The following MYO1E variants were observed in gnomAD, a reference collection of about 807,000 sequenced individuals.
MYO1E encodes myosin IE, also known as unconventional myosin-Ie.
MYO1E carries 68 observed loss-of-function variants against 151.1 expected under a neutral mutation model. The ratio of observed to expected loss-of-function variants is 0.45; its 90% confidence interval spans 0.37 to 0.55. The LOEUF (loss-of-function observed/expected upper bound fraction) is 0.55. Ranked by LOEUF, MYO1E falls within the 20% of genes least tolerant of loss-of-function variation. The pLI, the probability that MYO1E is intolerant of heterozygous loss-of-function variation, is 0.00. For missense variants in MYO1E, 1,363 were observed against 1,389.3 expected (o/e 0.98, Z 0.30); for synonymous variants, 601 against 501.7 (o/e 1.20, Z -2.64).
At chr15:59,162,923 A>G (rs2079545997) in intron 23 of MYO1E, among the ~76,000 whole-genome samples, 1 of 152,168 alleles carries the variant, frequency 6.6e-6, no homozygotes, top group Admixed American at 6.5e-5. Flanking sequence ...TGTCTAAATG[A>G]TAAAATACAC....
At chr15:59,213,788 C>T (rs1264557494) in intron 12 of MYO1E, among the ~76,000 whole-genome samples, 2 of 152,140 alleles carry the variant, frequency 1.3e-5, no homozygotes, top group East Asian at 3.8e-4. Context: ...GAAACTATAC[C>T]AAGGCATGTT....
At chr15:59,306,636 A>G (rs1417862038) in intron 1 of MYO1E, among the ~76,000 whole-genome samples, 1 of 152,218 alleles carries the variant, frequency 6.6e-6, no homozygotes, top group Non-Finnish European at 1.5e-5. Flanking sequence ...AATATATAAA[A>G]TGCCTTTATT....
rs774416186 is a variant in MYO1E, at chr15:59,205,503, G to T, written c.1531-18C>A. 6 of 1,524,558 alleles carry T rather than the reference G, an allele frequency of 3.9e-6. No homozygotes were observed. The African/African-American group carries it at 4.8e-5, about 12-fold the overall frequency. The allele number at this position is 1,524,558 out of a possible 1,614,324, so 94.4% of individuals were successfully genotyped here. A position where few individuals can be genotyped will look rare whatever the true frequency, so the allele number is the denominator to read the frequency against. ...TAGGATACCTGGCCAAGAATGGAAA[G>T]AAATCGAATTTCATTGAACAAAATG... On this transcript the variant is annotated intron_variant, in intron 14 of 27. Transcript: ENST00000288235.
intron 1 of MYO1E, among the ~76,000 whole-genome samples, chr15:59,282,092 C>A (rs2080356229): frequency 6.6e-6 from 1 of 152,192 alleles, no homozygotes; most frequent in African/African-American, 2.4e-5. Flanking sequence ...CCCTATTGGG[C>A]CTTTTCTTGT....
At chr15:59,167,990 T>TA (rs1162084913) in intron 22 of MYO1E, among the ~76,000 whole-genome samples, 3 of 152,152 alleles carry the variant, frequency 2.0e-5, no homozygotes, top group Admixed American at 2.0e-4. Flanking sequence ...AATTTTTATT[T>TA]AAATAAGGAT....
At chr15:59,227,865 C>T (rs1169391240) in intron 6 of MYO1E, among the ~76,000 whole-genome samples, 1 of 152,164 alleles carries the variant, frequency 6.6e-6, no homozygotes, top group Non-Finnish European at 1.5e-5. Flanking sequence ...CCAGTAGGTG[C>T]CTGTCTGCTC....
At chr15:59,205,752 C>A (rs1246439844) in intron 14 of MYO1E, among the ~76,000 whole-genome samples, 1 of 152,162 alleles carries the variant, frequency 6.6e-6, no homozygotes, top group Non-Finnish European at 1.5e-5. Context: ...CTGGATGGCC[C>A]AGCTGATCCG....
intron 26 of MYO1E, among the ~76,000 whole-genome samples, chr15:59,146,294 AT>A (rs1199100766): frequency 6.6e-6 from 1 of 152,114 alleles, no homozygotes; most frequent in African/African-American, 2.4e-5. Flanking sequence ...TAATTATTTC[AT>A]TGAGATAATG....
At chr15:59,302,966 T>C (rs1445114429) in intron 1 of MYO1E, among the ~76,000 whole-genome samples, 1 of 151,964 alleles carries the variant, frequency 6.6e-6, no homozygotes, top group Non-Finnish European at 1.5e-5. Flanking sequence ...ATCTCTAGAG[T>C]GGAGAAAGGA....
At chr15:59,258,533 G>C (rs12904844) in intron 3 of MYO1E, among the ~76,000 whole-genome samples, 70,161 of 152,062 alleles carry the variant, frequency 0.46, 19,562 homozygotes, top group Non-Finnish European at 0.64. Context: ...TATACATCTG[G>C]TTAGGCTACA....
intron 1 of MYO1E, among the ~76,000 whole-genome samples, chr15:59,295,304 G>A (rs1473206496): frequency 2.0e-5 from 3 of 152,046 alleles, no homozygotes; most frequent in Non-Finnish European, 2.9e-5. Context: ...AGGCATGGAC[G>A]AGGGTAACAA....
intron 4 of MYO1E, among the ~76,000 whole-genome samples, chr15:59,242,547 G>A (rs2080106248): frequency 6.6e-6 from 1 of 152,180 alleles, no homozygotes; most frequent in Non-Finnish European, 1.5e-5. Context: ...CTTCCTCACA[G>A]TGGAATACCA....
chr15:59,256,425 A>G (rs2080194413), intron 3 of MYO1E, 47 bp from the exon 4 acceptor site: 1 of 1,182,350 alleles, frequency 8.5e-7, no homozygotes, highest in Non-Finnish European at 1.2e-6. Flanking sequence ...TAAAAATTTA[A>G]AAATAAAAAC....
chr15:59,298,401 C>T (rs1337486158), intron 1 of MYO1E, among the ~76,000 whole-genome samples: 4 of 152,182 alleles, frequency 2.6e-5, no homozygotes, highest in Admixed American at 1.3e-4. Context: ...AGTGATACTG[C>T]GTTCTACCTC....
At chr15:59,192,001 C>T (rs762018955) in intron 17 of MYO1E, among the ~76,000 whole-genome samples, 5 of 152,228 alleles carry the variant, frequency 3.3e-5, no homozygotes, top group Non-Finnish European at 7.3e-5. Flanking sequence ...AAAAACCCTA[C>T]ACCTCATAAA....
At chr15:59,255,239 T>C (rs115781328) in intron 4 of MYO1E, among the ~76,000 whole-genome samples, 1,570 of 151,914 alleles carry the variant, frequency 0.01, 31 homozygotes, top group African/African-American at 0.036. Flanking sequence ...CTCAGCCTCC[T>C]CAGTAGCTGG....
chr15:59,353,356 C>G, intron 1 of MYO1E, among the ~76,000 whole-genome samples: 1 of 57,556 alleles, frequency 1.7e-5, no homozygotes, highest in Non-Finnish European at 3.6e-5. Context: ...GACCCTGTCT[C>G]AAAAAAAAAA....
intron 1 of MYO1E, among the ~76,000 whole-genome samples, chr15:59,294,824 G>T (rs1222956391): frequency 6.6e-6 from 1 of 152,096 alleles, no homozygotes; most frequent in Non-Finnish European, 1.5e-5. Context: ...GTCTGCCTGG[G>T]GCTCTTTGCA....
intron 1 of MYO1E, among the ~76,000 whole-genome samples, chr15:59,330,562 AAT>A (rs1415931204): frequency 6.6e-6 from 1 of 152,144 alleles, no homozygotes; most frequent in African/African-American, 2.4e-5. Flanking sequence ...GTACTGTAAT[AAT>A]AGTCTTTTGT....
Sources: allele counts gnomAD v4.1 joint callset (sites outside exome capture counted in the v4.1 genomes callset), GRCh38; gene constraint gnomAD v4.1.1; transcripts MANE v1.5; gene names NCBI Gene and HGNC (gene_info 2026-07-23, HGNC 2026-07-21).